CNNM2: variants seen among roughly 807,000 people sequenced by gnomAD.
The protein encoded by CNNM2 is cyclin and CBS domain divalent metal cation transport mediator 2, also known as metal transporter CNNM2.
In CNNM2, 12 loss-of-function variants were observed where a neutral mutation model predicts 66.9. The ratio of observed to expected loss-of-function variants is 0.18; its 90% confidence interval spans 0.11 to 0.29. The LOEUF is 0.29. CNNM2 is among the 10% of genes least tolerant of loss of function. The pLI, the probability that CNNM2 is intolerant of heterozygous loss-of-function variation, is 1.00. For missense variants in CNNM2, 705 were observed against 1,167.7 expected, an observed-to-expected ratio of 0.60 and a Z score of 5.77; for synonymous variants, 557 against 501.8, an observed-to-expected ratio of 1.11 and a Z score of -1.47.
chr10:103,025,291 G>A (rs189079092), intron 1 of CNNM2, among the ~76,000 whole-genome samples: 8 of 152,140 alleles, frequency 5.3e-5, no homozygotes, highest in Middle Eastern at 3.4e-3. Flanking sequence ...GGGTTTCACC[G>A]TGTTGGCCAG....
At position 103,084,297 on chromosome 10, in the gene CNNM2, T is replaced by C. The variant is rs1564877389; in HGVS notation, c.*7117T>C. The C allele has an allele frequency of 6.6e-6, 1 of 152,212 alleles. No homozygotes were observed. Among genetic ancestry groups the C allele is most frequent in the Non-Finnish European group, 1.5e-5 (1 of 68,034 alleles). 9.4% of individuals were successfully genotyped at this position (152,212 alleles called of 1,614,324 possible). ...CTTTTACTTACACTTGTTCTGTGGA[T>C]GGAGACATTTCAGGGAAGAACTGCT... On this transcript the variant is annotated 3_prime_UTR_variant, in exon 8 of 8. Coordinates refer to ENST00000369878, the MANE Select transcript of CNNM2 (RefSeq NM_017649.5).
At chr10:103,070,210 G>T (rs1324756424) in intron 5 of CNNM2, among the ~76,000 whole-genome samples, 2 of 152,162 alleles carry the variant, frequency 1.3e-5, no homozygotes, top group Non-Finnish European at 2.9e-5. Flanking sequence ...TAAACTTGAA[G>T]GTGACCTTCG....
chr10:102,926,849 G>A (rs991591471), intron 1 of CNNM2, among the ~76,000 whole-genome samples: 2 of 151,624 alleles, frequency 1.3e-5, no homozygotes, highest in African/African-American at 4.9e-5. Flanking sequence ...CCGAGAAGCT[G>A]GGATTACAGG....
At position 102,988,250 on chromosome 10, in the gene CNNM2, C is replaced by G. The variant is rs5016308; in HGVS notation, c.1622-61457C>G. 0.31 allele frequency among the ~76,000 whole-genome samples: 46,952 copies of G among 151,924 alleles called. 7,414 individuals are homozygous for G. The highest frequency in any genetic ancestry group is 0.37 in the Middle Eastern group (109 of 294). On this transcript the variant is annotated intron_variant, in intron 1 of 7. Transcript: ENST00000369878. ...CTGGGAGGCGGAGGTTGCAGTGAGC[C>G]GGGATTGCACCTAGTGCATTCCAGC...
chr10:102,995,529 C>G (rs990634631), intron 1 of CNNM2, among the ~76,000 whole-genome samples: 2 of 151,586 alleles, frequency 1.3e-5, no homozygotes, highest in African/African-American at 4.8e-5. Flanking sequence ...CTTGCTAACT[C>G]AGCTTTGCCT....
chr10:103,043,677 A>G (rs960291276), intron 1 of CNNM2, among the ~76,000 whole-genome samples: 1 of 152,212 alleles, frequency 6.6e-6, no homozygotes, highest in Admixed American at 6.5e-5. Context: ...TCTACCTTGT[A>G]TAGATGATTT....
chr10:102,947,262 T>A (rs1035147896), intron 1 of CNNM2, among the ~76,000 whole-genome samples: 3 of 152,150 alleles, frequency 2.0e-5, no homozygotes, highest in Non-Finnish European at 4.4e-5. Flanking sequence ...GTTTTATATT[T>A]AATAGTCATG....
At chr10:102,998,065 T>A (rs1564838471) in intron 1 of CNNM2, among the ~76,000 whole-genome samples, 1 of 152,210 alleles carries the variant, frequency 6.6e-6, no homozygotes, top group Non-Finnish European at 1.5e-5. Flanking sequence ...TCTGATTAAG[T>A]TAGAGTTAAC....
rs149365813 is a variant in CNNM2 at position 102,933,072 on chromosome 10, C to G, written c.1621+12971C>G. Among the ~76,000 whole-genome samples the G allele has an allele frequency of 8.1e-3, 1,240 of 152,268 alleles. 9 individuals carry two copies. The highest frequency in any genetic ancestry group is 0.013 in the Non-Finnish European group (867 of 68,022). On this transcript the variant is annotated intron_variant, in intron 1 of 7. Transcript: ENST00000369878. ...TTTGAAATTAGAAAGTTTGAATCCT[C>G]CAACTTCATTCTTCCTTGTCAAGAT... is the stretch of plus-strand genomic sequence containing the variant.
chr10:103,004,649 G>T (rs1309514117), intron 1 of CNNM2, among the ~76,000 whole-genome samples: 1 of 152,212 alleles, frequency 6.6e-6, no homozygotes, highest in Non-Finnish European at 1.5e-5. Flanking sequence ...GGATATGCTT[G>T]TGTTTGGTTT....
chr10:102,992,273 C>CTTTTTTTTTTTTTTTTTTTTTTTTT (rs35281835), intron 1 of CNNM2, among the ~76,000 whole-genome samples: 1 of 108,494 alleles, frequency 9.2e-6, no homozygotes, highest in Non-Finnish European at 1.8e-5. Context: ...CTCCAAGTTC[C>CTTTTTTTTTTTTTTTTTTTTTTTTT]TTTTTTTTTT....
At chr10:102,965,054 C>T (rs2063440384) in intron 1 of CNNM2, among the ~76,000 whole-genome samples, 1 of 152,198 alleles carries the variant, frequency 6.6e-6, no homozygotes, top group South Asian at 2.1e-4. Flanking sequence ...CCGTGCCCCT[C>T]ACCAGACACT....
chr10:103,074,051 G>T (rs1410717763), intron 6 of CNNM2, among the ~76,000 whole-genome samples: 1 of 152,022 alleles, frequency 6.6e-6, no homozygotes, highest in Non-Finnish European at 1.5e-5. Flanking sequence ...ACTTTGGGAG[G>T]CCAAGGCAGG....
chr10:103,040,132 A>C (rs1404375348), intron 1 of CNNM2, among the ~76,000 whole-genome samples: 1 of 152,136 alleles, frequency 6.6e-6, no homozygotes, highest in African/African-American at 2.4e-5. Context: ...GTACCACTGC[A>C]GTTCAGCCTG....
intron 1 of CNNM2, among the ~76,000 whole-genome samples, chr10:103,036,371 C>A (rs1046389089): frequency 1.3e-5 from 2 of 152,148 alleles, no homozygotes; most frequent in African/African-American, 4.8e-5. Flanking sequence ...TAAGTCAGGT[C>A]TACCAAGAGT....
At chr10:103,065,060 G>T (rs2065453428) in intron 4 of CNNM2, among the ~76,000 whole-genome samples, 1 of 152,154 alleles carries the variant, frequency 6.6e-6, no homozygotes, top group African/African-American at 2.4e-5. Context: ...ATCCTCCCCT[G>T]CCTGGGATCC....
At chr10:103,062,129 G>A (rs558167350) in intron 4 of CNNM2, among the ~76,000 whole-genome samples, 2 of 152,338 alleles carry the variant, frequency 1.3e-5, no homozygotes, top group Non-Finnish European at 2.9e-5. Context: ...GCTAATCAAA[G>A]TGAGATGATA....
chr10:102,982,556 T>G (rs796945000), intron 1 of CNNM2, among the ~76,000 whole-genome samples: 13 of 152,390 alleles, frequency 8.5e-5, no homozygotes, highest in African/African-American at 3.1e-4. Flanking sequence ...AGCTTTGGGC[T>G]GTTTGCTCGG....
intron 2 of CNNM2, among the ~76,000 whole-genome samples, chr10:103,050,427 C>T (rs986516126): frequency 1.3e-5 from 2 of 151,870 alleles, no homozygotes; most frequent in Admixed American, 6.6e-5. Flanking sequence ...ATTCCAGCTA[C>T]TCTGGAGGCT....
Sources: allele counts gnomAD v4.1 joint callset (sites outside exome capture counted in the v4.1 genomes callset), GRCh38; gene constraint gnomAD v4.1.1; transcripts MANE v1.5; gene names NCBI Gene and HGNC (gene_info 2026-07-23, HGNC 2026-07-21).